ATP13A5: variants seen among roughly 807,000 people sequenced by gnomAD.
ATP13A5 encodes the protein probable cation-transporting ATPase 13A5.
Under a neutral mutation model 150.2 loss-of-function variants are expected in ATP13A5, and 149 were observed. That is an observed-to-expected ratio of 0.99 (90% confidence interval 0.87 to 1.14). The LOEUF (loss-of-function observed/expected upper bound fraction) is 1.14. ATP13A5 is among the 50% of genes most tolerant of loss of function. ATP13A5 has a pLI of 0.00. For synonymous variants in ATP13A5, 497 were observed against 522.2 expected (o/e 0.95, Z 0.66); for missense variants, 1,383 against 1,449.3 (o/e 0.95, Z 0.74).
intron 8 of ATP13A5, 55 bp from the exon 9 acceptor site, chr3:193,344,110 G>C: frequency 3.2e-6 from 5 of 1,584,334 alleles, no homozygotes; most frequent in Non-Finnish European, 4.3e-6. Context: ...TTTTACTTAA[G>C]AATGAAGGCA....
intron 25 of ATP13A5, among the ~76,000 whole-genome samples, chr3:193,292,437 C>A (rs1025223892): frequency 2.2e-4 from 33 of 152,094 alleles, no homozygotes; most frequent in African/African-American, 7.5e-4. Context: ...GAATTGCTGG[C>A]TTCAGAGTGG....
chr3:193,280,005 CCCTGTGTA>C (rs1347326536), intron 27 of ATP13A5, among the ~76,000 whole-genome samples: 20 of 34,072 alleles, frequency 5.9e-4, no homozygotes, highest in African/African-American at 2.1e-3. Context: ...AAAAAAAAAG[CCCTGTGTA>C]CCTGTGTACA....
intron 28 of ATP13A5, among the ~76,000 whole-genome samples, chr3:193,278,093 C>T (rs1270188277): frequency 1.3e-5 from 2 of 152,208 alleles, no homozygotes; most frequent in African/African-American, 4.8e-5. Context: ...CATGAGCCAC[C>T]ATGCCTGACC....
intron 29 of ATP13A5, among the ~76,000 whole-genome samples, chr3:193,276,205 C>T (rs1717191907): frequency 6.6e-6 from 1 of 152,090 alleles, no homozygotes; most frequent in South Asian, 2.1e-4. Context: ...ATAAAACTCT[C>T]CTTTTACAAA....
intron 26 of ATP13A5, among the ~76,000 whole-genome samples, chr3:193,288,164 G>A (rs544925165): frequency 1.3e-5 from 2 of 152,092 alleles, no homozygotes. Flanking sequence ...TGGTGAAGAT[G>A]TTGTAAGCAT....
chr3:193,307,479 C>T (rs1718663723), intron 21 of ATP13A5, 110 bp from the exon 22 acceptor site: 2 of 1,234,082 alleles, frequency 1.6e-6, no homozygotes, highest in Non-Finnish European at 2.3e-6. Context: ...GTGTGTGTCC[C>T]CTGAACACAC....
chr3:193,333,699 A>T, intron 11 of ATP13A5, 51 bp downstream of exon 11: 1 of 1,552,474 alleles, frequency 6.4e-7, no homozygotes. Flanking sequence ...GAGTTAGGTC[A>T]AGCTCTTTGC....
intron 9 of ATP13A5, among the ~76,000 whole-genome samples, chr3:193,336,212 G>T (rs950624981): frequency 2.0e-5 from 3 of 152,024 alleles, no homozygotes; most frequent in African/African-American, 7.2e-5. Context: ...CTAGTGATAT[G>T]TAATAGGTTC....
intron 7 of ATP13A5, among the ~76,000 whole-genome samples, chr3:193,345,899 T>G (rs1712317014): frequency 6.6e-6 from 1 of 152,108 alleles, no homozygotes. Context: ...ACAACAAAGC[T>G]AAATGTTCTC....
intron 26 of ATP13A5, 139 bp downstream of exon 26, chr3:193,289,746 T>G: frequency 1.4e-6 from 1 of 729,696 alleles, no homozygotes; most frequent in African/African-American, 1.8e-5. Context: ...AACTGTGTTC[T>G]GTCCCATCAT....
chr3:193,362,963 T>G (rs573563024), intron 3 of ATP13A5, among the ~76,000 whole-genome samples: 1 of 151,898 alleles, frequency 6.6e-6, no homozygotes, highest in East Asian at 1.9e-4. Context: ...CTCAGCTCAT[T>G]TTTTGTTTTT....
intron 8 of ATP13A5, among the ~76,000 whole-genome samples, chr3:193,344,406 T>C (rs565575245): frequency 6.6e-6 from 1 of 152,176 alleles, no homozygotes; most frequent in Non-Finnish European, 1.5e-5. Flanking sequence ...CTTTGTCTTC[T>C]TGGATTGAGG....
intron 5 of ATP13A5, among the ~76,000 whole-genome samples, chr3:193,358,079 G>A (rs1426102465): frequency 6.6e-6 from 1 of 151,728 alleles, no homozygotes; most frequent in East Asian, 1.9e-4. Context: ...AGGAAGGAAG[G>A]GCATGTTAGA....
chr3:193,344,834 C>G (rs903183786), intron 8 of ATP13A5, among the ~76,000 whole-genome samples, 169 bp downstream of exon 8: 1 of 152,148 alleles, frequency 6.6e-6, no homozygotes, highest in East Asian at 1.9e-4. Context: ...CTGGCATGAT[C>G]TTGCCTCTTT....
At chr3:193,372,288 CAAAAAAAAAAAAA>C (rs749907136) in intron 1 of ATP13A5, 2 of 41,492 alleles carry the variant, frequency 4.8e-5, no homozygotes, top group African/African-American at 1.0e-4. Flanking sequence ...GACTCCACCT[CAAAAAAAAAAAAA>C]AAAAAAAAAA....
In ATP13A5 at chr3:193,344,983, T is replaced by A. The variant is rs751887028; in HGVS notation, c.814+20A>T. 8 of 1,601,082 alleles carry A rather than the reference T, an allele frequency of 5.0e-6. No homozygotes were observed. The South Asian group carries it at 7.7e-5, about 15-fold the overall frequency. Reference sequence around the variant, plus strand: ...CCCTGAAATATTAAGATGCTGAAGATGGCCTAACACATCACTTACCTTTGT... The same window carrying A: ...CCCTGAAATATTAAGATGCTGAAGAAGGCCTAACACATCACTTACCTTTGT... On this transcript the variant is annotated intron_variant, in intron 8 of 29. Transcript: ENST00000342358.
intron 25 of ATP13A5, among the ~76,000 whole-genome samples, chr3:193,296,116 T>C (rs1718160572): frequency 6.6e-6 from 1 of 152,092 alleles, no homozygotes; most frequent in Non-Finnish European, 1.5e-5. Flanking sequence ...AGTTTATGAA[T>C]GTGGCAGCCT....
At chr3:193,283,409 C>G (rs1346137197) in intron 27 of ATP13A5, among the ~76,000 whole-genome samples, 1 of 81,576 alleles carries the variant, frequency 1.2e-5, no homozygotes, top group Non-Finnish European at 2.3e-5. Flanking sequence ...TGAGAAACAG[C>G]AATCCAACAG....
intron 11 of ATP13A5, among the ~76,000 whole-genome samples, chr3:193,332,141 C>G (rs1711652715): frequency 6.6e-6 from 1 of 152,228 alleles, no homozygotes; most frequent in South Asian, 2.1e-4. Flanking sequence ...GGGGCAGTTT[C>G]CCCCATAATG....
Sources: gnomAD v4.1 joint callset for allele counts (sites outside exome capture counted in the v4.1 genomes callset) on GRCh38, gnomAD v4.1.1 for gene constraint, MANE v1.5 for transcripts, NCBI Gene and HGNC (gene_info 2026-07-23, HGNC 2026-07-21) for gene names.